ARL15: variants seen among roughly 807,000 people sequenced by gnomAD.
ARL15 encodes the protein ARF like GTPase 15.
ARL15 carries 19 observed loss-of-function variants against 25.2 expected under a neutral mutation model. The ratio of observed to expected loss-of-function variants is 0.75; its 90% CI spans 0.53 to 1.10. The LOEUF is 1.10. Ranked by LOEUF, ARL15 falls within the 50% of genes least tolerant of loss-of-function variation. The probability of loss-of-function intolerance (pLI) is 0.00; values close to 1 mark genes in which losing one functional copy is unlikely to be tolerated. For missense variants in ARL15, 220 were observed against 246.0 expected (o/e 0.89, Z 0.71); for synonymous variants, 94 against 86.8 (o/e 1.08, Z -0.46).
In ARL15 at chr5:54,240,051, C is replaced by A. The variant is rs1034451112; in HGVS notation, c.49-68123G>T. ...GACCATCCTGGCTAACACGGTGAAACCCCATCTCTACTAAAAATACAAAAA... is the reference window on the plus strand; with the variant it reads ...GACCATCCTGGCTAACACGGTGAAAACCCATCTCTACTAAAAATACAAAAA... On this transcript the variant is annotated intron_variant, in intron 1 of 4. Coordinates refer to ENST00000504924, the MANE Select transcript of ARL15 (RefSeq NM_019087.3). Among the ~76,000 whole-genome samples the A allele has an allele frequency of 1.1e-3, 162 of 152,028 alleles. 1 individual carries two copies. Among genetic ancestry groups the A allele is most frequent in the Admixed American group, 5.9e-4 (9 of 15,276 alleles).
chr5:54,027,429 C>G (rs1181063232), intron 4 of ARL15, among the ~76,000 whole-genome samples: 3 of 152,210 alleles, frequency 2.0e-5, no homozygotes, highest in Non-Finnish European at 4.4e-5. Flanking sequence ...TAAGGCTCTG[C>G]AGCCCAGAAC....
At chr5:54,210,331 A>C (rs1388205241) in intron 1 of ARL15, among the ~76,000 whole-genome samples, 1 of 152,214 alleles carries the variant, frequency 6.6e-6, no homozygotes, top group East Asian at 1.9e-4. Flanking sequence ...ATTTTATTAA[A>C]AATAATGCCT....
chr5:54,129,962 G>T (rs1753381864), intron 3 of ARL15, among the ~76,000 whole-genome samples: 1 of 152,222 alleles, frequency 6.6e-6, no homozygotes, highest in Admixed American at 6.5e-5. Flanking sequence ...ATATTGGCTG[G>T]ATGTGGTGGC....
At chr5:54,074,755 T>G (rs1751540554) in intron 4 of ARL15, among the ~76,000 whole-genome samples, 1 of 152,122 alleles carries the variant, frequency 6.6e-6, no homozygotes, top group South Asian at 2.1e-4. Context: ...AATTTTGATA[T>G]TTTCTATTTG....
rs139071452 is a variant in ARL15, at chr5:54,230,505, C to T, written c.49-58577G>A. The stretch of plus-strand genomic sequence containing the variant: ...CACCCAGATGCCTCAATACGGTCTC[C>T]TCAAATGCCATGGGACTACGTCAAA... On this transcript the variant is annotated intron_variant, in intron 1 of 4. Transcript: ENST00000504924. Among the ~76,000 whole-genome samples the T allele has an allele frequency of 1.3e-3, 201 of 152,228 alleles. 2 individuals are homozygous for T. Among genetic ancestry groups the T allele is most frequent in the African/African-American group, 4.4e-3 (183 of 41,538 alleles).
chr5:53,914,413 G>A (rs1435946057), intron 4 of ARL15, among the ~76,000 whole-genome samples: 2 of 152,182 alleles, frequency 1.3e-5, no homozygotes, highest in Non-Finnish European at 2.9e-5. Flanking sequence ...CACACTTCAA[G>A]ACTGCTACTT....
chr5:54,261,876 A>G (rs1757505635), intron 1 of ARL15, among the ~76,000 whole-genome samples: 1 of 152,182 alleles, frequency 6.6e-6, no homozygotes, highest in Non-Finnish European at 1.5e-5. Context: ...GTTCTCATCA[A>G]ATTGAAGTTT....
intron 1 of ARL15, among the ~76,000 whole-genome samples, chr5:54,223,096 T>C (rs1263708803): frequency 1.3e-5 from 2 of 151,496 alleles, no homozygotes; most frequent in Admixed American, 1.3e-4. Context: ...AGTTACTTGA[T>C]AGTCAAACTG....
At chr5:53,886,966 C>T (rs1283876180) in intron 4 of ARL15, among the ~76,000 whole-genome samples, 9 of 152,108 alleles carry the variant, frequency 5.9e-5, no homozygotes, top group African/African-American at 1.4e-4. Flanking sequence ...CATTTAGCAG[C>T]GTGGGAGGTC....
chr5:54,076,441 GAAAAAA>G (rs974703023), intron 4 of ARL15, among the ~76,000 whole-genome samples: 1 of 143,022 alleles, frequency 7.0e-6, no homozygotes, highest in Non-Finnish European at 1.5e-5. Flanking sequence ...AAAAGAAAAA[GAAAAAA>G]AAAGAGAAAT....
intron 1 of ARL15, among the ~76,000 whole-genome samples, chr5:54,257,423 C>T (rs1219397551): frequency 2.6e-5 from 4 of 152,190 alleles, no homozygotes; most frequent in African/African-American, 9.6e-5. Context: ...AGGAACACAC[C>T]CCTAGGAAAG....
chr5:54,184,128 T>C (rs1222899961), intron 1 of ARL15, among the ~76,000 whole-genome samples: 4 of 116,388 alleles, frequency 3.4e-5, no homozygotes, highest in South Asian at 3.8e-4. Context: ...AGGGATAGCA[T>C]TGGGAGATAT....
chr5:53,949,203 ACT>A (rs1746860976), intron 4 of ARL15, among the ~76,000 whole-genome samples: 1 of 152,100 alleles, frequency 6.6e-6, no homozygotes, highest in South Asian at 2.1e-4. Context: ...ATTGTGGAGG[ACT>A]CTAAATTTCT....
intron 4 of ARL15, among the ~76,000 whole-genome samples, chr5:54,016,519 TTCA>T (rs1447253842): frequency 2.0e-5 from 3 of 152,316 alleles, no homozygotes; most frequent in African/African-American, 7.2e-5. Context: ...GCCCCACATT[TTCA>T]TGTTGCTTTA....
intron 1 of ARL15, among the ~76,000 whole-genome samples, chr5:54,255,203 C>T (rs1464861301): frequency 2.0e-5 from 3 of 147,466 alleles, no homozygotes; most frequent in Admixed American, 6.6e-5. Flanking sequence ...CTCTACTCCA[C>T]GTCATTTTTT....
intron 1 of ARL15, among the ~76,000 whole-genome samples, chr5:54,175,600 G>T (rs1754844939): frequency 6.6e-6 from 1 of 151,808 alleles, no homozygotes; most frequent in Non-Finnish European, 1.5e-5. Flanking sequence ...CTCCCAAAGT[G>T]CTGGGATTAC....
intron 4 of ARL15, among the ~76,000 whole-genome samples, chr5:53,994,817 C>T (rs192167074): frequency 6.6e-6 from 1 of 152,216 alleles, no homozygotes; most frequent in African/African-American, 2.4e-5. Context: ...AATGAAAACA[C>T]ACAAACCTCA....
intron 1 of ARL15, among the ~76,000 whole-genome samples, chr5:54,222,220 T>C (rs1756397592): frequency 6.6e-6 from 1 of 152,202 alleles, no homozygotes; most frequent in South Asian, 2.1e-4. Flanking sequence ...TTTAAGAATA[T>C]AATTAAGTCA....
At chr5:54,165,809 A>G (rs1372867228) in intron 2 of ARL15, among the ~76,000 whole-genome samples, 2 of 151,958 alleles carry the variant, frequency 1.3e-5, no homozygotes, top group Non-Finnish European at 2.9e-5. Flanking sequence ...CAGTTGCTAT[A>G]AACCCAAAAT....
Sources: gnomAD v4.1 joint callset for allele counts (sites outside exome capture counted in the v4.1 genomes callset) on GRCh38, gnomAD v4.1.1 for gene constraint, MANE v1.5 for transcripts, NCBI Gene and HGNC (gene_info 2026-07-23, HGNC 2026-07-21) for gene names.